The following ZNF385D variants were observed in gnomAD, a reference collection of about 807,000 sequenced individuals.
ZNF385D encodes zinc finger protein 659.
A neutral mutation model predicts 35.8 loss-of-function variants in ZNF385D; 15 were observed. That is an observed-to-expected ratio of 0.42 (90% CI 0.28 to 0.64). ZNF385D has a LOEUF of 0.64. ZNF385D is among the 30% of genes least tolerant of loss of function. The probability of loss-of-function intolerance (pLI) is 0.23; values close to 1 mark genes in which losing one functional copy is unlikely to be tolerated. For synonymous variants in ZNF385D, 212 were observed against 186.8 expected, an observed-to-expected ratio of 1.13 and a Z score of -1.10; for missense variants, 474 against 494.6, an observed-to-expected ratio of 0.96 and a Z score of 0.39.
chr3:22,169,819 G>C (rs771871585), intron 2 of ZNF385D, among the ~76,000 whole-genome samples: 5 of 152,116 alleles, frequency 3.3e-5, no homozygotes, highest in Admixed American at 6.6e-5. Context: ...ATTTGAGACA[G>C]GGTTTCACTC....
chr3:21,688,649 A>C (rs984368855), intron 1 of ZNF385D, among the ~76,000 whole-genome samples: 8 of 152,158 alleles, frequency 5.3e-5, no homozygotes, highest in African/African-American at 1.9e-4. Context: ...CTGTCTTTTA[A>C]ATCCATGAAT....
At chr3:21,978,904 A>C (rs1403286114) in intron 3 of ZNF385D, among the ~76,000 whole-genome samples, 1 of 152,168 alleles carries the variant, frequency 6.6e-6, no homozygotes, top group East Asian at 1.9e-4. Flanking sequence ...TTCCCAAGAA[A>C]AGTAAAATAT....
chr3:22,297,721 A>G (rs1257824100), intron 2 of ZNF385D, among the ~76,000 whole-genome samples: 4 of 152,142 alleles, frequency 2.6e-5, no homozygotes, highest in African/African-American at 4.8e-5. Flanking sequence ...AGGATTCATA[A>G]CTGGGAATTT....
chr3:22,322,393 G>A (rs1192384415), intron 2 of ZNF385D, among the ~76,000 whole-genome samples: 1 of 151,730 alleles, frequency 6.6e-6, no homozygotes, highest in Non-Finnish European at 1.5e-5. Context: ...TTTTCCTTCT[G>A]ACCTCCAGAT....
chr3:21,824,709 T>C (rs1279543111), intron 3 of ZNF385D, among the ~76,000 whole-genome samples: 1 of 152,080 alleles, frequency 6.6e-6, no homozygotes, highest in Admixed American at 6.6e-5. Flanking sequence ...TGTGATGGCA[T>C]CCCCATCATA....
intron 4 of ZNF385D, among the ~76,000 whole-genome samples, chr3:21,446,486 A>ATTT (rs1559454751): frequency 7.6e-5 from 6 of 78,610 alleles, no homozygotes; most frequent in South Asian, 4.3e-4. Flanking sequence ...TAATCAATGA[A>ATTT]CTTTTTTTTT....
chr3:21,532,494 G>A (rs2061947242), intron 3 of ZNF385D, among the ~76,000 whole-genome samples: 1 of 151,984 alleles, frequency 6.6e-6, no homozygotes. Context: ...TAGATTTCAA[G>A]ATATTCTTTG....
At chr3:22,196,965 T>C (rs1206582230) in intron 2 of ZNF385D, among the ~76,000 whole-genome samples, 1 of 152,080 alleles carries the variant, frequency 6.6e-6, no homozygotes, top group Non-Finnish European at 1.5e-5. Context: ...TTTTGAAGGA[T>C]GTTTTCAATA....
intron 2 of ZNF385D, among the ~76,000 whole-genome samples, chr3:21,607,321 T>G (rs2064512406): frequency 1.3e-5 from 2 of 152,370 alleles, no homozygotes; most frequent in East Asian, 3.9e-4. Context: ...AAGTGGCATT[T>G]ATTTTTATTG....
chr3:21,604,459 G>A (rs994339301), intron 2 of ZNF385D, among the ~76,000 whole-genome samples: 2 of 152,202 alleles, frequency 1.3e-5, no homozygotes, highest in Non-Finnish European at 2.9e-5. Flanking sequence ...GATTAGTTTG[G>A]CAGTGCTATG....
At chr3:22,161,610 T>G (rs1705955551) in intron 3 of ZNF385D, among the ~76,000 whole-genome samples, 1 of 152,104 alleles carries the variant, frequency 6.6e-6, no homozygotes, top group African/African-American at 2.4e-5. Context: ...TGCCACTTCT[T>G]TATTCACATC....
chr3:21,981,512 G>A (rs868843354), intron 3 of ZNF385D, among the ~76,000 whole-genome samples: 1 of 152,066 alleles, frequency 6.6e-6, no homozygotes, highest in African/African-American at 2.4e-5. Flanking sequence ...TCATTCCGTA[G>A]GTTGTTTATC....
intron 3 of ZNF385D, among the ~76,000 whole-genome samples, chr3:21,909,873 A>G (rs977308955): frequency 6.6e-6 from 1 of 152,078 alleles, no homozygotes; most frequent in African/African-American, 2.4e-5. Flanking sequence ...CAGAAAGTTT[A>G]TAAGCCTAGC....
intron 2 of ZNF385D, among the ~76,000 whole-genome samples, chr3:21,565,520 A>G (rs1459474288): frequency 6.6e-6 from 1 of 150,550 alleles, no homozygotes; most frequent in African/African-American, 2.5e-5. Flanking sequence ...CTGGGAGTAC[A>G]GGCTTGAGCC....
intron 3 of ZNF385D, among the ~76,000 whole-genome samples, chr3:21,969,250 C>G (rs73133285): frequency 0.25 from 37,622 of 151,978 alleles, 5,093 homozygotes; most frequent in East Asian, 0.32. Flanking sequence ...TGCCCCCACT[C>G]AAATCTCATC....
At chr3:21,623,515 T>C (rs2065060360) in intron 2 of ZNF385D, among the ~76,000 whole-genome samples, 1 of 151,942 alleles carries the variant, frequency 6.6e-6, no homozygotes, top group Non-Finnish European at 1.5e-5. Context: ...TGATGGTGCA[T>C]GCTTGTAGTC....
At chr3:21,504,147 C>G (rs1186925066) in intron 4 of ZNF385D, among the ~76,000 whole-genome samples, 1 of 152,058 alleles carries the variant, frequency 6.6e-6, no homozygotes, top group Non-Finnish European at 1.5e-5. Context: ...AATTAGATGA[C>G]TAAGGAAAAT....
chr3:22,241,019 T>C (rs1024483356), intron 2 of ZNF385D, among the ~76,000 whole-genome samples: 3 of 151,284 alleles, frequency 2.0e-5, no homozygotes, highest in Non-Finnish European at 4.4e-5. Context: ...TTAAGTGTTA[T>C]GTGAATGTTC....
At chr3:22,329,905 G>A (rs1248649638) in intron 2 of ZNF385D, among the ~76,000 whole-genome samples, 1 of 151,942 alleles carries the variant, frequency 6.6e-6, no homozygotes, top group Non-Finnish European at 1.5e-5. Flanking sequence ...TACACTTATC[G>A]CACATCTCAA....
Sources: allele counts gnomAD v4.1 joint callset (sites outside exome capture counted in the v4.1 genomes callset), GRCh38; gene constraint gnomAD v4.1.1; transcripts MANE v1.5; gene names NCBI Gene and HGNC (gene_info 2026-07-23, HGNC 2026-07-21).